The following C15orf40 variants were observed in gnomAD, a reference collection of about 807,000 sequenced individuals.
C15orf40 encodes chromosome 15 open reading frame 40.
C15orf40 carries 9 observed loss-of-function variants against 13.9 expected under a neutral mutation model. The observed-to-expected ratio is 0.65, with a 90% CI of 0.39 to 1.13. C15orf40 has a LOEUF of 1.13. Ranked by LOEUF, C15orf40 falls within the 50% of genes most tolerant of loss-of-function variation. The pLI is 0.01. For synonymous variants in C15orf40, 95 were observed against 69.2 expected, an observed-to-expected ratio of 1.37 and a Z score of -1.85; for missense variants, 225 against 188.5, an observed-to-expected ratio of 1.19 and a Z score of -1.13.
In C15orf40 at chr15:83,006,515, T is replaced by C. The variant is rs547976878; in HGVS notation, c.367-823A>G. On this transcript the variant is annotated intron_variant, in intron 3 of 3. Transcript: ENST00000304177. The stretch of plus-strand genomic sequence containing the variant: ...TGGCTCACACCTGTAATCCTAGCAC[T>C]CTGGGAGGCTGAGGCGGGTGGATCA... 614 of 972,112 alleles carry C rather than the reference T, an allele frequency of 6.3e-4. 5 individuals are homozygous for C. The African/African-American group carries it at 9.9e-3, about 16-fold the overall frequency. 60.2% of individuals were successfully genotyped at this position (972,112 alleles called of 1,614,324 possible).
At chr15:83,010,208 T>C (rs746704252) in intron 2 of C15orf40, 29 bp downstream of exon 2, 108 of 1,613,624 alleles carry the variant, frequency 6.7e-5, no homozygotes, top group Admixed American at 1.2e-4. Context: ...TGATTCACAC[T>C]TGAATCCCAC....
At position 83,011,603 on chromosome 15, in the gene C15orf40, A is replaced by C. The variant is rs775783551; in HGVS notation, c.5T>G (p.Leu2Arg). Residue 2 changes from leucine to arginine, a missense_variant, in exon 1 of 4, where the codon CTG becomes CGG. Transcript: ENST00000304177. ...GTGCCTCAGCCCGCTGCGGAGCCGC[A>C]GCATCCCCGCCTGGGAAGGCGCCGG... M[L>R]RLRSGLRHLR... 2 of 1,581,818 alleles carry C rather than the reference A, an allele frequency of 1.3e-6. No homozygotes were observed. The highest frequency in any genetic ancestry group is 1.7e-6 in the Non-Finnish European group (2 of 1,168,090).
downstream of C15orf40, chr15:82,991,969 A>ACTCT (rs1229444536): frequency 2.5e-6 from 3 of 1,219,276 alleles, no homozygotes; most frequent in Admixed American, 2.3e-5. Context: ...TTATCCCAGC[A>ACTCT]CTCTGGGAGG....
In C15orf40 at chr15:83,002,271, T is replaced by C. The variant is rs1348925804; in HGVS notation, c.*3326A>G. On this transcript the variant is annotated 3_prime_UTR_variant, in exon 4 of 4. Transcript: ENST00000304177. The stretch of plus-strand genomic sequence containing the variant: ...TCTTTGTTACAAGATACTGCTACGT[T>C]TCTCAAAGAAAAAAACTCACTAGGC... The C allele has an allele frequency of 2.0e-5, 3 of 152,304 alleles. No homozygotes were observed. The highest frequency in any genetic ancestry group is 7.2e-5 in the African/African-American group (3 of 41,564). The allele number at this position is 152,304 out of a possible 1,614,324, so 9.4% of individuals were successfully genotyped here.
Position 83,006,352 on chromosome 15 carries a change from TTATAAA to T in C15orf40, c.367-666_367-661del, listed in dbSNP as rs768317917. ...TTATATAAACTTTGTAGTAAAATAA[TTATAAA>T]TATAAACAAATTGCTATTCTCTATG... On this transcript the variant is annotated intron_variant, in intron 3 of 3. Transcript: ENST00000304177. The T allele has an allele frequency of 5.7e-5, 54 of 954,684 alleles. No homozygotes were observed. The Middle Eastern group carries it at 2.2e-3, about 38-fold the overall frequency. 59.1% of individuals were successfully genotyped at this position (954,684 alleles called of 1,614,324 possible).
rs1192774633 is a variant in C15orf40 at position 82,999,159 on chromosome 15, A to AGAGGGT, written c.*6432_*6437dup. The AGAGGGT allele has an allele frequency of 3.4e-5, 2 of 59,354 alleles. No homozygotes were observed. Among genetic ancestry groups the AGAGGGT allele is most frequent in the Admixed American group, 1.9e-4 (1 of 5,248 alleles). 3.7% of individuals were successfully genotyped at this position (59,354 alleles called of 1,614,324 possible). A position where few individuals can be genotyped will look rare whatever the true frequency, so the allele number is the denominator to read the frequency against. On this transcript the variant is annotated 3_prime_UTR_variant, in exon 4 of 4. Coordinates refer to ENST00000304177, the MANE Select transcript of C15orf40 (RefSeq NM_144597.3). Reference sequence around the variant, plus strand: ...TCAGAGGGAGACCGTGGGGAGAGGGAGAGGGTGAGGGAGAGGGGGAGGGGG... The same window carrying AGAGGGT: ...TCAGAGGGAGACCGTGGGGAGAGGGAGAGGGTGAGGGTGAGGGAGAGGGGGAGGGGG...
chr15:82,991,962 T>G, downstream of C15orf40: 1 of 1,262,942 alleles, frequency 7.9e-7, no homozygotes, highest in Non-Finnish European at 1.0e-6. Flanking sequence ...ACACCTGTTA[T>G]CCCAGCACTC....
rs2031439260 is a variant in C15orf40, at chr15:83,001,987, A to T, written c.*3610T>A. ...CAGTGGTGTGATCCCGGCTCACTGC[A>T]GCTTCTGATTCCCGGGTTCAAGCAA... On this transcript the variant is annotated 3_prime_UTR_variant, in exon 4 of 4. Coordinates refer to ENST00000304177, the MANE Select transcript of C15orf40 (RefSeq NM_144597.3). 1 of 152,260 alleles carries T rather than the reference A, an allele frequency of 6.6e-6. No individual in the cohort carries two copies. The highest frequency in any genetic ancestry group is 2.1e-4 in the South Asian group (1 of 4,826). The allele number at this position is 152,260 out of a possible 1,614,324, so 9.4% of individuals were successfully genotyped here.
In C15orf40 at chr15:83,004,347, T is replaced by G. The variant is rs954381675; in HGVS notation, c.*1250A>C. Reference sequence around the variant, plus strand: ...TAATGATTTGGTCCATCAATACATCTTTCTCATGTACTTGCTGGACAAAGC... The same window carrying G: ...TAATGATTTGGTCCATCAATACATCGTTCTCATGTACTTGCTGGACAAAGC... On this transcript the variant is annotated 3_prime_UTR_variant, in exon 4 of 4. Transcript: ENST00000304177. The G allele has an allele frequency of 3.0e-6, 3 of 985,414 alleles. No individual in the cohort carries two copies. 61.0% of individuals were successfully genotyped at this position (985,414 alleles called of 1,614,324 possible).
Position 83,005,440 on chromosome 15 carries a change from A to T in C15orf40, c.*157T>A. On this transcript the variant is annotated 3_prime_UTR_variant, in exon 4 of 4. Transcript: ENST00000304177. The stretch of plus-strand genomic sequence containing the variant: ...ACTGGGATTACAGGCATGCGCCATC[A>T]CATCTGGCTAATTTTGTATTTTTCG... The T allele has an allele frequency of 1.5e-5, 10 of 688,450 alleles. No homozygotes were observed. Among genetic ancestry groups the T allele is most frequent in the Non-Finnish European group, 1.7e-5 (8 of 481,898 alleles). 42.6% of individuals were successfully genotyped at this position (688,450 alleles called of 1,614,324 possible). A position where few individuals can be genotyped will look rare whatever the true frequency, so the allele number is the denominator to read the frequency against.
chr15:82,990,619 AC>A (rs1567085215), downstream of C15orf40: 1 of 1,508,860 alleles, frequency 6.6e-7, no homozygotes, highest in Non-Finnish European at 9.0e-7. Context: ...TCAGCTCCAC[AC>A]TTGAGTCTCT....
chr15:83,005,635 T>C lies in C15orf40; in HGVS notation c.424A>G (p.Ile142Val). ...GCTTCCTTTTTTAATTTCTCCAAGA[T>C]CTCTTCTGGAGTTGTAGAAGCCAAA... Reference protein sequence around the residue: ...KLLASTTPEEILEKLKKEAKK... With the variant: ...KLLASTTPEEVLEKLKKEAKK... The change falls in exon 4 of 4, where the codon ATC becomes GTC. Residue 142 changes from isoleucine to valine, a missense_variant. Coordinates refer to ENST00000304177, the MANE Select transcript of C15orf40 (RefSeq NM_144597.3). 6.2e-7 allele frequency: 1 copy of C among 1,612,352 alleles called. No individual in the cohort carries two copies. The highest frequency in any genetic ancestry group is 8.5e-7 in the Non-Finnish European group (1 of 1,179,260).
In C15orf40 at chr15:82,995,535, A is replaced by T. The variant is rs916224973; in HGVS notation, c.*10062T>A. On this transcript the variant is annotated 3_prime_UTR_variant, in exon 4 of 4. Coordinates refer to ENST00000304177, the MANE Select transcript of C15orf40 (RefSeq NM_144597.3). ...CACGGTGGCTCACGCCTGTAATCCCATCACTTTGGGAGGCCAAGGTGGAAG... is the reference window on the plus strand; with the variant it reads ...CACGGTGGCTCACGCCTGTAATCCCTTCACTTTGGGAGGCCAAGGTGGAAG... The T allele has an allele frequency of 6.6e-6, 1 of 152,416 alleles. No homozygotes were observed. Among genetic ancestry groups the T allele is most frequent in the African/African-American group, 2.4e-5 (1 of 41,466 alleles). 9.4% of individuals were successfully genotyped at this position (152,416 alleles called of 1,614,324 possible). A position where few individuals can be genotyped will look rare whatever the true frequency, so the allele number is the denominator to read the frequency against.
rs1278808371 is a variant in C15orf40, at chr15:82,997,675, AGCC to A, written c.*7919_*7921del. 3 of 223,040 alleles carry A rather than the reference AGCC, an allele frequency of 1.3e-5. No individual in the cohort carries two copies. The highest frequency in any genetic ancestry group is 7.3e-5 in the African/African-American group (3 of 41,014). 13.8% of individuals were successfully genotyped at this position (223,040 alleles called of 1,614,324 possible). A position where few individuals can be genotyped will look rare whatever the true frequency, so the allele number is the denominator to read the frequency against. On this transcript the variant is annotated 3_prime_UTR_variant, in exon 4 of 4. Transcript: ENST00000304177. ...CCTTTCCCGCCTTTCTATTCCACAAAGCCGCCATTGTCATCCTGGCCCGTTCTC... is the reference window on the plus strand; with the variant it reads ...CCTTTCCCGCCTTTCTATTCCACAAAGCCATTGTCATCCTGGCCCGTTCTC...
chr15:83,010,048 A>G (rs964974695), intron 2 of C15orf40, among the ~76,000 whole-genome samples, 189 bp downstream of exon 2: 1 of 152,258 alleles, frequency 6.6e-6, no homozygotes, highest in Admixed American at 6.5e-5. Context: ...GTAACTTGGC[A>G]TGATTTAAAG....
chr15:83,004,748 A>G lies in C15orf40; in HGVS notation c.*849T>C, dbSNP rs2031583634. 3 of 1,015,796 alleles carry G rather than the reference A, an allele frequency of 3.0e-6. No homozygotes were observed. Among genetic ancestry groups the G allele is most frequent in the Non-Finnish European group, 3.6e-6 (3 of 839,806 alleles). 62.9% of individuals were successfully genotyped at this position (1,015,796 alleles called of 1,614,324 possible). ...GATGTAAAAAAAAAATTTTTTTTAC[A>G]TTTAAATAAGCATTTAAAAATCTAA... On this transcript the variant is annotated 3_prime_UTR_variant, in exon 4 of 4. Coordinates refer to ENST00000304177, the MANE Select transcript of C15orf40 (RefSeq NM_144597.3).
rs563402910 is a variant in C15orf40 at position 83,005,685 on chromosome 15, T to G, written c.374A>C (p.Lys125Thr). The G allele has an allele frequency of 1.1e-5, 18 of 1,612,642 alleles. No homozygotes were observed. Among genetic ancestry groups the G allele is most frequent in the Admixed American group, 6.7e-5 (4 of 59,922 alleles). Reference sequence around the variant, plus strand: ...AAGCTTCACCACCTTTTCACGAGATTTACCACCCTGGACCAAAAGAGAAAA... The same window carrying G: ...AAGCTTCACCACCTTTTCACGAGATGTACCACCCTGGACCAAAAGAGAAAA... ...KSDVVLDKGG[K>T]SREKVVKLLA... Residue 125 changes from lysine to threonine, a missense_variant, in exon 4 of 4, where the codon AAA (lysine) becomes ACA (threonine). Transcript: ENST00000304177.
chr15:83,006,814 A>G (rs1031788246), intron 3 of C15orf40, among the ~76,000 whole-genome samples: 2 of 152,208 alleles, frequency 1.3e-5, no homozygotes, highest in African/African-American at 2.4e-5. Flanking sequence ...TTTAAAGAAG[A>G]TAAAATTTGA....
rs777762884 is a variant in C15orf40 at position 83,011,547 on chromosome 15, C to T, written c.61G>A (p.Ala21Thr). 1 of 1,606,610 alleles carries T rather than the reference C, an allele frequency of 6.2e-7. No homozygotes were observed. The highest frequency in any genetic ancestry group is 8.5e-7 in the Non-Finnish European group (1 of 1,178,372). ...GGCATCTCGGCGCAAAGAAGCCGAG[C>T]GGAGCCCCGAGTATTGGGTGTTGCC... ...LRATPNTRGSARLLCAEMPKK... is the reference protein window; with the variant it reads ...LRATPNTRGSTRLLCAEMPKK... The change falls in exon 1 of 4, where the codon GCT (alanine) becomes ACT (threonine). Residue 21 changes from alanine to threonine, a missense_variant. Transcript: ENST00000304177.
Sources: allele counts gnomAD v4.1 joint callset (sites outside exome capture counted in the v4.1 genomes callset), GRCh38; gene constraint gnomAD v4.1.1; transcripts MANE v1.5; gene names NCBI Gene and HGNC (gene_info 2026-07-23, HGNC 2026-07-21).